CDH12: variants seen among roughly 807,000 people sequenced by gnomAD.
The protein encoded by CDH12 is cadherin 12.
A neutral mutation model predicts 74.1 loss-of-function variants in CDH12; 41 were observed. The observed-to-expected ratio is 0.55, with a 90% CI of 0.43 to 0.72. The LOEUF is 0.72. Ranked by LOEUF, CDH12 falls within the 30% of genes least tolerant of loss-of-function variation. CDH12 has a pLI of 0.00. For missense variants in CDH12, 945 were observed against 977.2 expected (o/e 0.97, Z 0.44); for synonymous variants, 399 against 355.0 (o/e 1.12, Z -1.39).
At chr5:21,873,582 T>TAATTTG (rs558961160) in intron 6 of CDH12, among the ~76,000 whole-genome samples, 329 of 152,338 alleles carry the variant, frequency 2.2e-3, no homozygotes, top group Non-Finnish European at 3.5e-3. Context: ...AGCATTTTGA[T>TAATTTG]AATTTGAAAC....
intron 1 of CDH12, among the ~76,000 whole-genome samples, chr5:22,539,304 G>A (rs1351406708): frequency 6.6e-6 from 1 of 152,160 alleles, no homozygotes; most frequent in Non-Finnish European, 1.5e-5. Context: ...CTCAAAGGGA[G>A]ACACTTCATG....
At chr5:22,508,170 C>G (rs1257045757) in intron 1 of CDH12, among the ~76,000 whole-genome samples, 1 of 152,132 alleles carries the variant, frequency 6.6e-6, no homozygotes, top group Non-Finnish European at 1.5e-5. Flanking sequence ...TAGAACATGG[C>G]TGTCTTTGGG....
At chr5:22,489,200 G>A (rs567596686) in intron 2 of CDH12, among the ~76,000 whole-genome samples, 1 of 151,256 alleles carries the variant, frequency 6.6e-6, no homozygotes, top group East Asian at 2.0e-4. Context: ...TGGGACTACA[G>A]GTGCCCACCA....
chr5:21,852,791 T>C (rs1750542369), intron 7 of CDH12, among the ~76,000 whole-genome samples: 1 of 151,396 alleles, frequency 6.6e-6, no homozygotes, highest in Admixed American at 6.6e-5. Flanking sequence ...TCTTATTCTT[T>C]TATTCCTCTT....
At chr5:21,764,029 G>A (rs1306076318) in intron 12 of CDH12, among the ~76,000 whole-genome samples, 1 of 152,132 alleles carries the variant, frequency 6.6e-6, no homozygotes, top group Non-Finnish European at 1.5e-5. Context: ...CTGGGAAAAT[G>A]CACTCTAAAG....
At chr5:22,419,313 C>A (rs1442190517) in intron 2 of CDH12, among the ~76,000 whole-genome samples, 1 of 152,120 alleles carries the variant, frequency 6.6e-6, no homozygotes, top group Non-Finnish European at 1.5e-5. Flanking sequence ...TTCCCCTGCA[C>A]CCCCTGACAG....
chr5:22,525,728 C>G (rs1737242406), intron 1 of CDH12, among the ~76,000 whole-genome samples: 1 of 152,068 alleles, frequency 6.6e-6, no homozygotes, highest in Admixed American at 6.6e-5. Flanking sequence ...ACTTCGGGCT[C>G]TACTTGTGGG....
intron 5 of CDH12, among the ~76,000 whole-genome samples, chr5:22,015,725 G>T (rs1392360393): frequency 6.6e-6 from 1 of 152,018 alleles, no homozygotes; most frequent in African/African-American, 2.4e-5. Flanking sequence ...CTTCAACTTT[G>T]TTCTTTTACA....
chr5:21,798,055 T>G (rs1746890749), intron 10 of CDH12, among the ~76,000 whole-genome samples: 2 of 152,130 alleles, frequency 1.3e-5, no homozygotes, highest in Admixed American at 1.3e-4. Context: ...TTCAATTTTT[T>G]TTCAATAACT....
At chr5:21,992,818 A>C (rs1757808789) in intron 5 of CDH12, among the ~76,000 whole-genome samples, 1 of 152,166 alleles carries the variant, frequency 6.6e-6, no homozygotes, top group East Asian at 1.9e-4. Context: ...TTGATGTATT[A>C]GTCCATTTTC....
chr5:22,500,140 A>G (rs997175209), intron 2 of CDH12, among the ~76,000 whole-genome samples: 2 of 152,132 alleles, frequency 1.3e-5, no homozygotes, highest in African/African-American at 2.4e-5. Context: ...CCTTTTTCAA[A>G]AGCTTTAAAA....
chr5:22,055,658 G>T (rs1740686151), intron 5 of CDH12, among the ~76,000 whole-genome samples: 1 of 151,626 alleles, frequency 6.6e-6, no homozygotes, highest in Non-Finnish European at 1.5e-5. Flanking sequence ...AGCATTACTT[G>T]ATCAAAAAAA....
chr5:22,375,292 T>C (rs1373296096), intron 3 of CDH12, among the ~76,000 whole-genome samples: 1 of 152,204 alleles, frequency 6.6e-6, no homozygotes, highest in East Asian at 1.9e-4. Flanking sequence ...TAAAATTCAA[T>C]TCAATATATA....
intron 8 of CDH12, among the ~76,000 whole-genome samples, chr5:21,827,545 A>C (rs1413125049): frequency 6.6e-6 from 1 of 152,192 alleles, no homozygotes; most frequent in Admixed American, 6.6e-5. Flanking sequence ...CAAAGCTCAC[A>C]ACATTAAAGT....
At chr5:22,572,998 G>C (rs1739613054) in intron 1 of CDH12, among the ~76,000 whole-genome samples, 2 of 152,218 alleles carry the variant, frequency 1.3e-5, no homozygotes, top group African/African-American at 4.8e-5. Context: ...AAAAAATTGA[G>C]TAATGAAAAT....
chr5:22,265,873 G>T (rs993149184), intron 3 of CDH12, among the ~76,000 whole-genome samples: 7 of 151,840 alleles, frequency 4.6e-5, no homozygotes, highest in Non-Finnish European at 1.0e-4. Flanking sequence ...ACAGATGATT[G>T]GTACACTTAA....
chr5:22,627,403 C>T (rs1242692365), intron 1 of CDH12, among the ~76,000 whole-genome samples: 1 of 150,302 alleles, frequency 6.7e-6, no homozygotes, highest in Non-Finnish European at 1.5e-5. Context: ...CAGCAGAAAT[C>T]TTACAATCCA....
At chr5:21,899,126 C>A (rs1287593134) in intron 6 of CDH12, among the ~76,000 whole-genome samples, 6 of 152,188 alleles carry the variant, frequency 3.9e-5, no homozygotes, top group Non-Finnish European at 8.8e-5. Flanking sequence ...TCCTTAACAT[C>A]TAAATTTAAC....
chr5:21,766,139 T>C (rs984156837), intron 11 of CDH12, among the ~76,000 whole-genome samples: 1 of 152,042 alleles, frequency 6.6e-6, no homozygotes, highest in African/African-American at 2.4e-5. Context: ...AAAGAATGCA[T>C]ACAAAATCAT....
Sources: gnomAD v4.1 joint callset for allele counts (sites outside exome capture counted in the v4.1 genomes callset) on GRCh38, gnomAD v4.1.1 for gene constraint, MANE v1.5 for transcripts, NCBI Gene and HGNC (gene_info 2026-07-23, HGNC 2026-07-21) for gene names.